The following ABCA13 variants were observed in gnomAD, a reference collection of about 807,000 sequenced individuals.
ABCA13 encodes ATP-binding cassette sub-family A member 13.
A neutral mutation model predicts 478.7 loss-of-function variants in ABCA13; 476 were observed. That is an observed-to-expected ratio of 0.99 (90% CI 0.92 to 1.07). The LOEUF (loss-of-function observed/expected upper bound fraction) is 1.07, where lower values mean the gene tolerates loss of function less well. ABCA13 is among the 50% of genes least tolerant of loss of function. ABCA13 has a pLI of 0.00. For synonymous variants in ABCA13, 2,252 were observed against 2,158.9 expected (o/e 1.04, Z -1.20); for missense variants, 6,060 against 5,910.6 (o/e 1.03, Z -0.83).
intron 19 of ABCA13, among the ~76,000 whole-genome samples, chr7:48,287,265 G>C (rs1225467404): frequency 6.6e-6 from 1 of 152,226 alleles, no homozygotes; most frequent in Admixed American, 6.5e-5. Flanking sequence ...GATGCAACAT[G>C]GAGCCTTTGC....
At position 48,183,742 on chromosome 7, in the gene ABCA13, G is replaced by A. The variant is rs36169282; in HGVS notation, c.70-9217G>A. ...ACGTGGTACACAATTCCGAATGAACGAATGAGTGAAAGCACTTATTTTTAT... is the reference window on the plus strand; with the variant it reads ...ACGTGGTACACAATTCCGAATGAACAAATGAGTGAAAGCACTTATTTTTAT... On this transcript the variant is annotated intron_variant, in intron 1 of 61. Transcript: ENST00000435803. Among the ~76,000 whole-genome samples, 187 of 152,304 alleles carry A rather than the reference G, an allele frequency of 1.2e-3. 1 individual carries two copies. The highest frequency in any genetic ancestry group is 4.3e-3 in the African/African-American group (178 of 41,572).
At chr7:48,304,082 C>T (rs1268966786) in intron 23 of ABCA13, among the ~76,000 whole-genome samples, 1 of 152,120 alleles carries the variant, frequency 6.6e-6, no homozygotes. Context: ...TCTTCAAGGG[C>T]TTACACATAA....
intron 10 of ABCA13, among the ~76,000 whole-genome samples, chr7:48,241,313 C>T (rs1182878470): frequency 6.6e-6 from 1 of 152,168 alleles, no homozygotes; most frequent in Non-Finnish European, 1.5e-5. Flanking sequence ...GAGAAGGTGT[C>T]AGTTTCCTAG....
At position 48,275,252 on chromosome 7, in the gene ABCA13, C is replaced by T; in HGVS notation, c.5586C>T (p.Phe1862=). 1 of 1,613,838 alleles carries T rather than the reference C, an allele frequency of 6.2e-7. No individual in the cohort carries two copies. Among genetic ancestry groups the T allele is most frequent in the African/African-American group, 1.3e-5 (1 of 75,014 alleles). ...YGKVASILDH[F]HLSPQGEDSP... ...AAGTGGCCAGTATACTTGATCATTT[C>T]CACCTGTCTCCCCAAGGTGAAGATT... Residue 1862 remains phenylalanine (F), a synonymous_variant, in exon 17 of 62, where the codon TTC becomes TTT. Coordinates refer to ENST00000435803, the MANE Select transcript of ABCA13 (RefSeq NM_152701.5).
chr7:48,374,739 A>C (rs1174293765), intron 34 of ABCA13, among the ~76,000 whole-genome samples: 1 of 152,176 alleles, frequency 6.6e-6, no homozygotes, highest in African/African-American at 2.4e-5. Flanking sequence ...TAGGGTGTGC[A>C]AATGTGTCCA....
intron 42 of ABCA13, among the ~76,000 whole-genome samples, chr7:48,451,612 G>A (rs548779809): frequency 2.0e-5 from 3 of 152,012 alleles, no homozygotes; most frequent in East Asian, 1.9e-4. Flanking sequence ...ATTCCTGAAC[G>A]TTGTGTGCCC....
At chr7:48,276,964 C>T (rs1240582267) in intron 17 of ABCA13, among the ~76,000 whole-genome samples, 3 of 152,164 alleles carry the variant, frequency 2.0e-5, no homozygotes, top group Non-Finnish European at 4.4e-5. Flanking sequence ...CCCAATGAAT[C>T]TACTGTGGTA....
intron 1 of ABCA13, among the ~76,000 whole-genome samples, chr7:48,174,411 T>G (rs1311754547): frequency 3.3e-5 from 5 of 152,174 alleles, no homozygotes; most frequent in Non-Finnish European, 7.4e-5. Context: ...CTTTTACATT[T>G]ACTTTTAAAA....
At chr7:48,504,737 A>G (rs1831054390) in intron 48 of ABCA13, among the ~76,000 whole-genome samples, 2 of 152,214 alleles carry the variant, frequency 1.3e-5, no homozygotes, top group African/African-American at 2.4e-5. Context: ...TCCACGGGCC[A>G]TACTTTGGCA....
intron 1 of ABCA13, among the ~76,000 whole-genome samples, chr7:48,177,922 C>A (rs1409762917): frequency 6.6e-6 from 1 of 152,220 alleles, no homozygotes; most frequent in Non-Finnish European, 1.5e-5. Flanking sequence ...ACTGCCTCAG[C>A]CACTGCCAGG....
At chr7:48,373,739 T>C (rs1407195586) in intron 33 of ABCA13, among the ~76,000 whole-genome samples, 6 of 152,348 alleles carry the variant, frequency 3.9e-5, no homozygotes, top group Admixed American at 2.0e-4. Context: ...TTAATTTTAC[T>C]TCAGTCATTA....
chr7:48,370,540 G>A (rs1485710718), intron 32 of ABCA13, among the ~76,000 whole-genome samples: 7 of 151,874 alleles, frequency 4.6e-5, no homozygotes, highest in African/African-American at 4.8e-5. Context: ...TGCCATATAC[G>A]GCTCAGACCA....
rs141250532 is a variant in ABCA13, at chr7:48,503,979, C to A, written c.13292-2357C>A. 2.4e-3 allele frequency among the ~76,000 whole-genome samples: 358 copies of A among 152,182 alleles called. 2 individuals are homozygous for A. The highest frequency in any genetic ancestry group is 8.3e-3 in the African/African-American group (346 of 41,498). ...ATATATCAAAACATTACATAGTACA[C>A]CTTAAATGTTTGCAATTATTATTTG... On this transcript the variant is annotated intron_variant, in intron 48 of 61. Coordinates refer to ENST00000435803, the MANE Select transcript of ABCA13 (RefSeq NM_152701.5).
intron 59 of ABCA13, among the ~76,000 whole-genome samples, chr7:48,620,411 T>A (rs1477049834): frequency 6.6e-6 from 1 of 152,186 alleles, no homozygotes; most frequent in Non-Finnish European, 1.5e-5. Flanking sequence ...TGGTCTTAAC[T>A]TCGTTTCTGC....
intron 31 of ABCA13, among the ~76,000 whole-genome samples, chr7:48,362,169 T>A (rs970984763): frequency 1.3e-5 from 2 of 151,066 alleles, no homozygotes; most frequent in Non-Finnish European, 2.9e-5. Flanking sequence ...TTTCTATCCT[T>A]AATTTATGTC....
At position 48,387,923 on chromosome 7, in the gene ABCA13, A is replaced by C. The variant is rs201112523; in HGVS notation, c.11437A>C (p.Ser3813Arg). Residue 3813 changes from serine to arginine, a missense_variant, in exon 36 of 62, where the codon AGT becomes CGT. Ser to Arg is a moderately radical substitution (Grantham distance 110, BLOSUM62 -1). Transcript: ENST00000435803. ...VEKRQYFLSS[S>R]LFFFNENFDN... ...GAAAAGGCAATACTTTCTAAGTTCTAGTCTGTTCTTCTTCAATGAGAACTT... is the reference window on the plus strand; with the variant it reads ...GAAAAGGCAATACTTTCTAAGTTCTCGTCTGTTCTTCTTCAATGAGAACTT... The C allele has an allele frequency of 1.2e-3, 1,893 of 1,612,924 alleles. No homozygotes were observed. The highest frequency in any genetic ancestry group is 1.5e-3 in the Non-Finnish European group (1,761 of 1,179,514).
chr7:48,557,610 C>T (rs1265568036), intron 55 of ABCA13, among the ~76,000 whole-genome samples: 4 of 152,086 alleles, frequency 2.6e-5, no homozygotes, highest in Non-Finnish European at 5.9e-5. Flanking sequence ...CTTTCTCTTG[C>T]TGCTTTTAGA....
intron 27 of ABCA13, among the ~76,000 whole-genome samples, chr7:48,333,356 A>AT (rs1298845199): frequency 6.6e-6 from 1 of 152,112 alleles, no homozygotes; most frequent in East Asian, 1.9e-4. Flanking sequence ...CTTCAAGACA[A>AT]TTTGTAATTG....
At position 48,352,257 on chromosome 7, in the gene ABCA13, C is replaced by T. The variant is rs1210539421; in HGVS notation, c.10458C>T (p.Tyr3486=). The change falls in exon 31 of 62, where the codon TAC becomes TAT. Residue 3486 remains tyrosine (Y), a synonymous_variant. Transcript: ENST00000435803. ...ESVKLPPHVS[Y]TIRTNVLYSV... is the part of the protein sequence containing the mutation. ...TCAAACTGCCACCCCATGTCTCATA[C>T]ACAATCCGGACCAATGTGTTATACA... 1.2e-6 allele frequency: 2 copies of T among 1,613,712 alleles called. No individual in the cohort carries two copies. Among genetic ancestry groups the T allele is most frequent in the South Asian group, 2.2e-5 (2 of 91,080 alleles).
Sources: gnomAD v4.1 joint callset for allele counts (sites outside exome capture counted in the v4.1 genomes callset) on GRCh38, gnomAD v4.1.1 for gene constraint, MANE v1.5 for transcripts, NCBI Gene and HGNC (gene_info 2026-07-23, HGNC 2026-07-21) for gene names.